The following MUC12 variants were observed in gnomAD, a reference collection of about 807,000 sequenced individuals.
MUC12 encodes mucin 12, cell surface associated.
In MUC12, 172 loss-of-function variants were observed where a neutral mutation model predicts 230.8. The observed-to-expected ratio is 0.75, with a 90% confidence interval of 0.66 to 0.85. MUC12 has a LOEUF of 0.85. Ranked by LOEUF, MUC12 falls within the 40% of genes least tolerant of loss-of-function variation. MUC12 has a pLI of 0.00. For missense variants in MUC12, 3,506 were observed against 5,920.6 expected, an observed-to-expected ratio of 0.59 and a Z score of 13.38; for synonymous variants, 1,259 against 2,401.9, an observed-to-expected ratio of 0.52 and a Z score of 13.91.
intron 9 of MUC12, 77 bp from the exon 10 acceptor site, chr7:101,015,538 G>A: frequency 1.6e-6 from 2 of 1,272,934 alleles, no homozygotes; most frequent in Non-Finnish European, 2.2e-6. Flanking sequence ...CCCCTCGAGG[G>A]AAGCTGAAGG....
Position 101,008,652 on chromosome 7 carries a change from A to G in MUC12, c.15077A>G (p.Asn5026Ser), listed in dbSNP as rs909344960. ...SFPVETPEKLNATLGMTVKVT... is the reference protein window; with the variant it reads ...SFPVETPEKLSATLGMTVKVT... ...CCCACAGAAACCCCGGAAAAACTCA[A>G]CGCCACTTTAGGTATGACAGTGAAA... Residue 5026 changes from asparagine (N) to serine (S), a missense_variant, in exon 4 of 12, where the codon AAC (asparagine) becomes AGC (serine). Transcript: ENST00000536621. 17 of 1,537,122 alleles carry G rather than the reference A, an allele frequency of 1.1e-5. No individual in the cohort carries two copies. The highest frequency in any genetic ancestry group is 1.5e-5 in the Non-Finnish European group (17 of 1,146,870).
At chr7:101,016,488 TAG>T (rs914066701) in intron 10 of MUC12, among the ~76,000 whole-genome samples, 3 of 152,152 alleles carry the variant, frequency 2.0e-5, no homozygotes, top group African/African-American at 7.2e-5. Context: ...GTATTTTTAG[TAG>T]AGACTGTAGA....
chr7:100,991,188 C>A lies in MUC12; in HGVS notation c.625C>A (p.Pro209Thr). ...IPGSTDTTLS[P>T]GTTTPSSLGP... ...CGGCTCCACAGACACAACACTGTCC[C>A]CTGGCACTACCACACCATCATCCCT... The change falls in exon 2 of 12, where the codon CCT becomes ACT. Residue 209 changes from proline (P) to threonine (T), a missense_variant. Transcript: ENST00000536621. 1 of 1,537,596 alleles carries A rather than the reference C, an allele frequency of 6.5e-7. No homozygotes were observed. The highest frequency in any genetic ancestry group is 8.7e-7 in the Non-Finnish European group (1 of 1,146,842).
At chr7:100,989,808 A>T (rs956739266) in intron 1 of MUC12, among the ~76,000 whole-genome samples, 2 of 151,920 alleles carry the variant, frequency 1.3e-5, no homozygotes, top group African/African-American at 4.8e-5. Flanking sequence ...CTCATGCCCT[A>T]GCCTCCCAAG....
In MUC12 at chr7:101,004,705, C is replaced by T. The variant is rs140605907; in HGVS notation, c.14142C>T (p.Phe4714=). 2.0e-6 allele frequency: 3 copies of T among 1,537,782 alleles called. No homozygotes were observed. The highest frequency in any genetic ancestry group is 2.4e-5 in the South Asian group (2 of 84,062). The change falls in exon 2 of 12, where the codon TTC becomes TTT. Residue 4714 remains phenylalanine (F), a synonymous_variant. Coordinates refer to ENST00000536621, the MANE Select transcript of MUC12 (RefSeq NM_001164462.2). ...TSGRIAESTT[F]YISPGSMETT... ...GCCGCATTGCAGAATCTACCACCTTCTATATCTCTCCAGGCTCAATGGAAA... is the reference window on the plus strand; with the variant it reads ...GCCGCATTGCAGAATCTACCACCTTTTATATCTCTCCAGGCTCAATGGAAA...
At chr7:100,985,903 C>T (rs1282763619) in intron 1 of MUC12, among the ~76,000 whole-genome samples, 1 of 152,148 alleles carries the variant, frequency 6.6e-6, no homozygotes, top group Non-Finnish European at 1.5e-5. Flanking sequence ...GCCGGCCTAT[C>T]CTCTGCCATC....
intron 1 of MUC12, among the ~76,000 whole-genome samples, chr7:100,979,693 T>A (rs1396605444): frequency 1.3e-5 from 2 of 151,918 alleles, no homozygotes; most frequent in Non-Finnish European, 2.9e-5. Flanking sequence ...GGAGAATCGC[T>A]TGAACCTGGG....
At chr7:101,008,210 T>C (rs1332639995) in intron 3 of MUC12, among the ~76,000 whole-genome samples, 1 of 152,064 alleles carries the variant, frequency 6.6e-6, no homozygotes, top group African/African-American at 2.4e-5. Flanking sequence ...CACCACAGCC[T>C]CGAACTCCTG....
chr7:100,995,739 A>G lies in MUC12; in HGVS notation c.5176A>G (p.Thr1726Ala), dbSNP rs1358890100. The change falls in exon 2 of 12, where the codon ACC becomes GCC. Residue 1726 changes from threonine to alanine, a missense_variant. Transcript: ENST00000536621. ...CGGCAGCCCGAGCTCAACTCCAACA[A>G]CCCACTTTTCTGCCAGCTCCACAAC... is the stretch of plus-strand genomic sequence containing the variant. ...SHGSPSSTPT[T>A]HFSASSTTLG... 1.3e-6 allele frequency: 2 copies of G among 1,533,842 alleles called. No homozygotes were observed.
In MUC12 at chr7:100,991,099, C is replaced by A. The variant is rs1034230127; in HGVS notation, c.536C>A (p.Ala179Glu). Residue 179 changes from alanine (A) to glutamate (E), a missense_variant, in exon 2 of 12, where the codon GCG (alanine) becomes GAG (glutamate). Coordinates refer to ENST00000536621, the MANE Select transcript of MUC12 (RefSeq NM_001164462.2). ...CGACCAGGCCCAACGCACACAATAG[C>A]GTTCCCTGACAGTACCACCATGCCA... ...HSRPGPTHTI[A>E]FPDSTTMPGV... is the part of the protein sequence containing the mutation. The A allele has an allele frequency of 5.2e-6, 8 of 1,537,584 alleles. No homozygotes were observed. The highest frequency in any genetic ancestry group is 4.4e-6 in the Non-Finnish European group (5 of 1,146,852).
chr7:101,011,417 A>G (rs562319772), intron 5 of MUC12, among the ~76,000 whole-genome samples: 1 of 152,078 alleles, frequency 6.6e-6, no homozygotes, highest in Non-Finnish European at 1.5e-5. Context: ...TTAGAAACTT[A>G]CCTTTTTCTT....
chr7:101,016,397 C>T (rs1330846202), intron 10 of MUC12, among the ~76,000 whole-genome samples: 1 of 152,094 alleles, frequency 6.6e-6, no homozygotes, highest in Non-Finnish European at 1.5e-5. Context: ...ACTTCTGTCT[C>T]CCAGGTTCAA....
Position 101,004,609 on chromosome 7 carries a change from A to G in MUC12, c.14046A>G (p.Glu4682=), listed in dbSNP as rs1422103740. ...ESSTTSGRSE[E]STASHSSPDT... Reference sequence around the variant, plus strand: ...CCACAACCTCCGGCCGTAGTGAGGAATCAACAGCATCCCACAGCAGCCCAG... The same window carrying G: ...CCACAACCTCCGGCCGTAGTGAGGAGTCAACAGCATCCCACAGCAGCCCAG... Residue 4682 remains glutamate, a synonymous_variant, in exon 2 of 12, where the codon GAA becomes GAG. Transcript: ENST00000536621. 4 of 1,536,888 alleles carry G rather than the reference A, an allele frequency of 2.6e-6. No homozygotes were observed. The highest frequency in any genetic ancestry group is 2.6e-6 in the Non-Finnish European group (3 of 1,146,142).
intron 5 of MUC12, 126 bp downstream of exon 5, chr7:101,009,285 T>C (rs954445837): frequency 7.7e-6 from 7 of 912,586 alleles, no homozygotes; most frequent in African/African-American, 4.9e-5. Flanking sequence ...CTGCAGCCGC[T>C]AGGGAACACT....
chr7:100,986,228 G>A (rs1793186973), intron 1 of MUC12, among the ~76,000 whole-genome samples: 1 of 152,038 alleles, frequency 6.6e-6, no homozygotes, highest in Non-Finnish European at 1.5e-5. Context: ...AGTGGGGCAT[G>A]GTGGCACACC....
chr7:100,977,050 C>CAAAAAAAAAAAAA (rs1157648244), intron 1 of MUC12, among the ~76,000 whole-genome samples: 2 of 62,414 alleles, frequency 3.2e-5, no homozygotes, highest in African/African-American at 6.4e-5. Flanking sequence ...GACTCCATCT[C>CAAAAAAAAAAAAA]AAAAAAAAAA....
At position 100,991,851 on chromosome 7, in the gene MUC12, A is replaced by G. The variant is rs761825800; in HGVS notation, c.1288A>G (p.Ile430Val). 28 of 1,537,646 alleles carry G rather than the reference A, an allele frequency of 1.8e-5. No individual in the cohort carries two copies. In the South Asian group the frequency reaches 2.6e-4, roughly 14 times the overall value. Residue 430 changes from isoleucine to valine, a missense_variant, in exon 2 of 12, where the codon ATC becomes GTC. Transcript: ENST00000536621. The part of the protein sequence containing the change: ...ETTHFRDSST[I>V]SGRSEESKAS... ...AACACACTTCCGTGATAGCTCCACAATCTCAGGCCGTAGTGAGGAATCAAA... is the reference window on the plus strand; with the variant it reads ...AACACACTTCCGTGATAGCTCCACAGTCTCAGGCCGTAGTGAGGAATCAAA...
chr7:101,005,285 T>A lies in MUC12; in HGVS notation c.14722T>A (p.Phe4908Ile). 2.0e-6 allele frequency: 3 copies of A among 1,537,886 alleles called. No homozygotes were observed. In the South Asian group the frequency reaches 3.6e-5, roughly 18 times the overall value. The change falls in exon 2 of 12, where the codon TTC (phenylalanine) becomes ATC (isoleucine). Residue 4908 changes from phenylalanine to isoleucine, a missense_variant. Physicochemically the swap from Phe to Ile is conservative, Grantham distance 21. Coordinates refer to ENST00000536621, the MANE Select transcript of MUC12 (RefSeq NM_001164462.2). ...AGACATTGGTCAGGAATCAACAGCC[T>A]TCCACAGCAGCTCAGACGCAACTGG... Reference protein sequence around the residue: ...TTDIGQESTAFHSSSDATGTT... With the variant: ...TTDIGQESTAIHSSSDATGTT...
In MUC12 at chr7:100,991,959, A is replaced by G; in HGVS notation, c.1396A>G (p.Thr466Ala). The change falls in exon 2 of 12, where the codon ACG becomes GCG. Residue 466 changes from threonine to alanine, a missense_variant. Thr to Ala is a moderately conservative substitution (Grantham distance 58, BLOSUM62 0). Transcript: ENST00000536621. ...ACCCTCAGTTCTTGTTGGAGACTCG[A>G]CGCCCTCACCCATCAGTTCAGGCTC... ...STPSVLVGDS[T>A]PSPISSGSME... 6.5e-7 allele frequency: 1 copy of G among 1,537,922 alleles called. No individual in the cohort carries two copies. The highest frequency in any genetic ancestry group is 8.7e-7 in the Non-Finnish European group (1 of 1,147,074).
Sources: gnomAD v4.1 joint callset for allele counts (sites outside exome capture counted in the v4.1 genomes callset) on GRCh38, gnomAD v4.1.1 for gene constraint, MANE v1.5 for transcripts, NCBI Gene and HGNC (gene_info 2026-07-23, HGNC 2026-07-21) for gene names.